Variants in DLG2 observed in about 807,000 individuals in gnomAD.
DLG2 encodes disks large homolog 2.
Under a neutral mutation model 132.5 loss-of-function variants are expected in DLG2, and 45 were observed. The observed-to-expected ratio is 0.34, with a 90% CI of 0.27 to 0.44. The LOEUF (loss-of-function observed/expected upper bound fraction) is 0.44, where lower values mean the gene tolerates loss of function less well. Ranked by LOEUF, DLG2 falls within the 20% of genes least tolerant of loss-of-function variation. The pLI, the probability that DLG2 is intolerant of heterozygous loss-of-function variation, is 1.00. For synonymous variants in DLG2, 424 were observed against 419.6 expected (o/e 1.01, Z -0.13); for missense variants, 1,045 against 1,196.9 (o/e 0.87, Z 1.87).
chr11:85,392,193 G>T (rs1280054206), intron 3 of DLG2, among the ~76,000 whole-genome samples: 1 of 151,846 alleles, frequency 6.6e-6, no homozygotes, highest in Non-Finnish European at 1.5e-5. Flanking sequence ...TACAATACCT[G>T]CAAAGAAAAT....
At chr11:84,003,213 T>A (rs2094435749) in intron 11 of DLG2, among the ~76,000 whole-genome samples, 1 of 152,176 alleles carries the variant, frequency 6.6e-6, no homozygotes, top group Non-Finnish European at 1.5e-5. Context: ...CATATCACTA[T>A]CAGCATTTTG....
At chr11:84,932,604 T>C (rs1214596004) in intron 6 of DLG2, among the ~76,000 whole-genome samples, 4 of 152,148 alleles carry the variant, frequency 2.6e-5, no homozygotes, top group Non-Finnish European at 4.4e-5. Flanking sequence ...AGTGAGAACA[T>C]GCAGTGTTTG....
In DLG2 at chr11:83,664,102, C is replaced by T. The variant is rs576031205; in HGVS notation, c.1826-30777G>A. The stretch of plus-strand genomic sequence containing the variant: ...TACTGTAAGGATAAGCTATTGTAGA[C>T]AGAAAGCATCTAGTTCTCCTGGCCC... On this transcript the variant is annotated intron_variant, in intron 18 of 27. Transcript: ENST00000376104. Among the ~76,000 whole-genome samples, 3 of 152,228 alleles carry T rather than the reference C, an allele frequency of 2.0e-5. No individual in the cohort carries two copies. The East Asian group carries it at 5.8e-4, about 29-fold the overall frequency.
chr11:83,618,459 T>A (rs753108219), intron 19 of DLG2, among the ~76,000 whole-genome samples: 6 of 152,238 alleles, frequency 3.9e-5, no homozygotes, highest in Non-Finnish European at 7.3e-5. Flanking sequence ...CTGAAATAGT[T>A]TGTATAAGAC....
chr11:85,039,069 G>T (rs1263362224), intron 6 of DLG2, among the ~76,000 whole-genome samples: 1 of 151,868 alleles, frequency 6.6e-6, no homozygotes. Flanking sequence ...CTTCTAAAGA[G>T]ATTTTAAATT....
chr11:84,543,815 T>C (rs1367862433), intron 6 of DLG2, among the ~76,000 whole-genome samples: 1 of 152,190 alleles, frequency 6.6e-6, no homozygotes, highest in African/African-American at 2.4e-5. Flanking sequence ...ATTTGAATTT[T>C]TTTTAAACAA....
At chr11:84,869,873 G>A (rs900547982) in intron 6 of DLG2, among the ~76,000 whole-genome samples, 2 of 152,172 alleles carry the variant, frequency 1.3e-5, no homozygotes, top group African/African-American at 4.8e-5. Context: ...GTATTTCAGG[G>A]TTTTCCTAAA....
intron 4 of DLG2, among the ~76,000 whole-genome samples, chr11:85,267,723 G>A (rs1006926127): frequency 6.6e-6 from 1 of 151,942 alleles, no homozygotes; most frequent in Non-Finnish European, 1.5e-5. Flanking sequence ...TCATTTTATA[G>A]GGAAGCCTTT....
At chr11:83,901,887 T>A (rs72943850) in intron 15 of DLG2, among the ~76,000 whole-genome samples, 14,624 of 151,666 alleles carry the variant, frequency 0.096, 835 homozygotes, top group Middle Eastern at 0.2. Flanking sequence ...GTCTTCATGA[T>A]TTTTTTTTGT....
intron 6 of DLG2, among the ~76,000 whole-genome samples, chr11:84,970,532 T>C (rs897468093): frequency 2.6e-5 from 4 of 152,200 alleles, no homozygotes; most frequent in African/African-American, 4.8e-5. Context: ...GCAGATGTGA[T>C]GACTGCTGAG....
intron 5 of DLG2, among the ~76,000 whole-genome samples, chr11:85,152,477 G>A (rs1003679269): frequency 6.6e-6 from 1 of 152,074 alleles, no homozygotes; most frequent in Admixed American, 6.5e-5. Context: ...GGCCTCAAGT[G>A]ATCCACCCAC....
chr11:84,039,164 T>G (rs1000955733), intron 11 of DLG2, among the ~76,000 whole-genome samples: 10 of 152,112 alleles, frequency 6.6e-5, no homozygotes, highest in African/African-American at 2.4e-4. Flanking sequence ...GTACTTTAAG[T>G]GCATTCATTC....
Position 84,112,309 on chromosome 11 carries a change from C to CTTT in DLG2, c.625-13265_625-13263dup, listed in dbSNP as rs796353005. Among the ~76,000 whole-genome samples the CTTT allele has an allele frequency of 1.8e-3, 225 of 128,394 alleles. 2 individuals carry two copies. The highest frequency in any genetic ancestry group is 6.2e-3 in the African/African-American group (215 of 34,570). 84.2% of individuals were successfully genotyped at this position (128,394 alleles called of 152,430 possible). On this transcript the variant is annotated intron_variant, in intron 9 of 27. Coordinates refer to ENST00000376104, the MANE Select transcript of DLG2 (RefSeq NM_001142699.3). ...CACCGCATCCGGCCTTTTTTTTTTTCTTTTTACTTTTCCTTTTTTTTTTTT... is the reference window on the plus strand; with the variant it reads ...CACCGCATCCGGCCTTTTTTTTTTTCTTTTTTTTACTTTTCCTTTTTTTTTTTT...
chr11:85,079,501 T>G (rs2066973221), intron 6 of DLG2, among the ~76,000 whole-genome samples: 1 of 151,654 alleles, frequency 6.6e-6, no homozygotes, highest in Non-Finnish European at 1.5e-5. Context: ...TTTTTTTTTT[T>G]TTTGGTTTAC....
chr11:83,563,592 A>T (rs2096651763), intron 19 of DLG2, among the ~76,000 whole-genome samples: 1 of 152,232 alleles, frequency 6.6e-6, no homozygotes, highest in African/African-American at 2.4e-5. Flanking sequence ...CTACTTTTAT[A>T]TAGCAACTAC....
intron 9 of DLG2, among the ~76,000 whole-genome samples, chr11:84,139,118 A>G (rs528155360): frequency 5.9e-5 from 9 of 152,212 alleles, no homozygotes; most frequent in Non-Finnish European, 1.0e-4. Context: ...TTGACATTTT[A>G]TGATAGCTTG....
rs74789960 is a variant in DLG2, at chr11:84,394,714, T to C, written c.519+139856A>G. On this transcript the variant is annotated intron_variant, in intron 7 of 27. Transcript: ENST00000376104. ...CGTGATCTCAGCTACCTCTGCCTCC[T>C]GGGTTCAAGCGATTCTCCTGCCTCA... Among the ~76,000 whole-genome samples, 179 of 151,982 alleles carry C rather than the reference T, an allele frequency of 1.2e-3. 4 individuals are homozygous for C. The East Asian group carries it at 0.025, about 21-fold the overall frequency.
intron 6 of DLG2, among the ~76,000 whole-genome samples, chr11:85,068,019 C>G (rs917758394): frequency 2.0e-5 from 3 of 151,782 alleles, no homozygotes; most frequent in Non-Finnish European, 4.4e-5. Flanking sequence ...ATAAACGTAA[C>G]CCAGCATATA....
intron 7 of DLG2, among the ~76,000 whole-genome samples, chr11:84,415,923 G>A (rs920686466): frequency 4.6e-5 from 7 of 152,090 alleles, no homozygotes; most frequent in Admixed American, 2.0e-4. Flanking sequence ...CGTATCATAA[G>A]CCATCAATAA....
Sources: allele counts gnomAD v4.1 joint callset (sites outside exome capture counted in the v4.1 genomes callset), GRCh38; gene constraint gnomAD v4.1.1; transcripts MANE v1.5; gene names NCBI Gene and HGNC (gene_info 2026-07-23, HGNC 2026-07-21).